Variants in SLC1A2 observed in about 807,000 individuals in gnomAD.
SLC1A2 encodes the protein excitatory amino acid transporter 2.
SLC1A2 carries 15 observed loss-of-function variants against 48.8 expected under a neutral mutation model. The ratio of observed to expected loss-of-function variants is 0.31; its 90% CI spans 0.21 to 0.47. The LOEUF (loss-of-function observed/expected upper bound fraction) is 0.47. Ranked by LOEUF, SLC1A2 falls within the 20% of genes least tolerant of loss-of-function variation. The pLI, the probability that SLC1A2 is intolerant of heterozygous loss-of-function variation, is 0.99. For missense variants in SLC1A2, 502 were observed against 730.5 expected (o/e 0.69, Z 3.61); for synonymous variants, 279 against 272.6 (o/e 1.02, Z -0.23).
At chr11:35,292,863 T>C (rs1388843217) in intron 6 of SLC1A2, among the ~76,000 whole-genome samples, 1 of 152,194 alleles carries the variant, frequency 6.6e-6, no homozygotes, top group Non-Finnish European at 1.5e-5. Flanking sequence ...TTGTTTGATT[T>C]GTGTTCCTCA....
intron 5 of SLC1A2, among the ~76,000 whole-genome samples, chr11:35,301,880 G>T (rs1187524155): frequency 6.6e-6 from 1 of 152,180 alleles, no homozygotes. Flanking sequence ...GCAGCATTAG[G>T]TCCTTGAAGA....
At position 35,254,495 on chromosome 11, in the gene SLC1A2, C is replaced by G. The variant is rs1053039160; in HGVS notation, c.*6399G>C. On this transcript the variant is annotated 3_prime_UTR_variant, in exon 11 of 11. Coordinates refer to ENST00000278379, the MANE Select transcript of SLC1A2 (RefSeq NM_004171.4). ...GAGAAACCTCAGAGATGTGCTGGAC[C>G]AACTTCCTTGGCTAGTGTGTGTATT... 16 of 247,100 alleles carry G rather than the reference C, an allele frequency of 6.5e-5. No homozygotes were observed. The highest frequency in any genetic ancestry group is 1.4e-4 in the African/African-American group (6 of 43,548). The allele number at this position is 247,100 out of a possible 1,614,324, so 15.3% of individuals were successfully genotyped here.
At chr11:35,343,955 T>C (rs1485200280) in intron 1 of SLC1A2, among the ~76,000 whole-genome samples, 1 of 152,122 alleles carries the variant, frequency 6.6e-6, no homozygotes, top group Non-Finnish European at 1.5e-5. Flanking sequence ...CAATGTCAGG[T>C]GATCATTTCA....
intron 1 of SLC1A2, among the ~76,000 whole-genome samples, chr11:35,347,204 A>C (rs1853067966): frequency 6.6e-6 from 1 of 152,220 alleles, no homozygotes; most frequent in East Asian, 1.9e-4. Flanking sequence ...AGTCCACAAA[A>C]GTCAGACAGA....
At chr11:35,277,395 C>T (rs1850475793) in intron 9 of SLC1A2, among the ~76,000 whole-genome samples, 2 of 152,140 alleles carry the variant, frequency 1.3e-5, no homozygotes, top group Admixed American at 6.5e-5. Flanking sequence ...CCAGTTTTCT[C>T]ATCTGGAAAT....
In SLC1A2 at chr11:35,306,084, C is replaced by T; in HGVS notation, c.720G>A (p.Met240Ile). 1 of 1,613,848 alleles carries T rather than the reference C, an allele frequency of 6.2e-7. No homozygotes were observed. Among genetic ancestry groups the T allele is most frequent in the Non-Finnish European group, 8.5e-7 (1 of 1,179,822 alleles). The stretch of plus-strand genomic sequence containing the variant: ...CACCAGCTGGCCTACCTAAGACGTT[C>T]ATCCCATCCTTGAACTCCAGGCCCT... ...IKKGLEFKDG[M>I]NVLGLIGFFI... The change falls in exon 5 of 11, where the codon ATG (methionine) becomes ATA (isoleucine). Residue 240 changes from methionine (M) to isoleucine (I), a missense_variant. Met to Ile is a conservative substitution (Grantham distance 10, BLOSUM62 1). Transcript: ENST00000278379.
chr11:35,309,389 T>C (rs1424770273), intron 4 of SLC1A2, among the ~76,000 whole-genome samples: 1 of 152,228 alleles, frequency 6.6e-6, no homozygotes, highest in African/African-American at 2.4e-5. Flanking sequence ...CGGAATTTTC[T>C]GGAGGAAAAG....
At chr11:35,405,011 A>C (rs1405531607) in intron 1 of SLC1A2, among the ~76,000 whole-genome samples, 1 of 152,192 alleles carries the variant, frequency 6.6e-6, no homozygotes, top group Non-Finnish European at 1.5e-5. Context: ...CTTTCCCATA[A>C]GGCTCAGGAA....
Position 35,292,347 on chromosome 11 carries a change from G to A in SLC1A2, c.1031C>T (p.Pro344Leu). The A allele has an allele frequency of 6.2e-7, 1 of 1,613,984 alleles. No homozygotes were observed. The highest frequency in any genetic ancestry group is 8.5e-7 in the Non-Finnish European group (1 of 1,179,932). The change falls in exon 7 of 11, where the codon CCC becomes CTC. Residue 344 changes from proline to leucine, a missense_variant. By Grantham distance (98) the Pro-to-Leu change is moderately conservative. This residue lies in a region of SLC1A2 where 309 missense variants were observed against 480.3 expected (regional missense o/e 0.64). Coordinates refer to ENST00000278379, the MANE Select transcript of SLC1A2 (RefSeq NM_004171.4). ...GAAAATGCCAGCAAAAAAGGAGAAG[G>A]GGTTTTTCCTGGTCACTACAAAGTA... is the stretch of plus-strand genomic sequence containing the variant. ...LIYFVVTRKN[P>L]FSFFAGIFQA... is the part of the protein sequence containing the mutation.
chr11:35,361,323 C>A (rs1853674002), intron 1 of SLC1A2, among the ~76,000 whole-genome samples: 1 of 152,154 alleles, frequency 6.6e-6, no homozygotes, highest in Admixed American at 6.5e-5. Flanking sequence ...AAGCCATACC[C>A]AAAGTTACCC....
intron 1 of SLC1A2, among the ~76,000 whole-genome samples, chr11:35,367,133 G>T (rs1263362016): frequency 6.6e-6 from 1 of 152,196 alleles, no homozygotes; most frequent in Non-Finnish European, 1.5e-5. Context: ...GGAGACAGTT[G>T]TTTACTTCCT....
intron 1 of SLC1A2, among the ~76,000 whole-genome samples, chr11:35,412,042 CAAA>C (rs5791054): frequency 7.4e-6 from 1 of 134,296 alleles, no homozygotes; most frequent in Admixed American, 7.5e-5. Flanking sequence ...CTTACTGGAG[CAAA>C]AAAAAAAAAC....
chr11:35,390,662 CTTTTTTTT>C (rs35511500), intron 1 of SLC1A2: 2 of 136,004 alleles, frequency 1.5e-5, no homozygotes. Context: ...AAAATCTATT[CTTTTTTTT>C]TTTTTTTTTC....
chr11:35,281,029 G>A (rs773325635), intron 8 of SLC1A2, 28 bp from the exon 9 acceptor site: 11 of 1,548,014 alleles, frequency 7.1e-6, no homozygotes, highest in Non-Finnish European at 9.6e-6. Context: ...TTCAGGTCAT[G>A]GAAATGGAAA....
At chr11:35,323,272 G>C (rs1852137391) in intron 1 of SLC1A2, 1 of 159,110 alleles carries the variant, frequency 6.3e-6, no homozygotes, top group African/African-American at 2.4e-5. Context: ...GATAGGACTG[G>C]AAGTCAGGAA....
At chr11:35,363,058 C>G (rs1178804173) in intron 1 of SLC1A2, among the ~76,000 whole-genome samples, 1 of 152,174 alleles carries the variant, frequency 6.6e-6, no homozygotes, top group African/African-American at 2.4e-5. Context: ...GTTCACAAAG[C>G]AGGTCAGCGG....
chr11:35,304,029 C>T (rs960979865), intron 5 of SLC1A2, among the ~76,000 whole-genome samples: 1 of 152,132 alleles, frequency 6.6e-6, no homozygotes, highest in Admixed American at 6.5e-5. Context: ...CTTTCCAGAG[C>T]CTTGATCTGC....
At position 35,325,964 on chromosome 11, in the gene SLC1A2, C is replaced by CAAA. The variant is rs35256511; in HGVS notation, c.18-8451_18-8449dup. Among the ~76,000 whole-genome samples, 53 of 96,172 alleles carry CAAA rather than the reference C, an allele frequency of 5.5e-4. 1 individual carries two copies. The highest frequency in any genetic ancestry group is 5.6e-4 in the African/African-American group (14 of 25,152). 63.1% of individuals were successfully genotyped at this position (96,172 alleles called of 152,430 possible). A position where few individuals can be genotyped will look rare whatever the true frequency, so the allele number is the denominator to read the frequency against. On this transcript the variant is annotated intron_variant, in intron 1 of 10. Coordinates refer to ENST00000278379, the MANE Select transcript of SLC1A2 (RefSeq NM_004171.4). ...GGGCAACAAGGGTGAAATTCTATCT[C>CAAA]AAAAAAAAAAAAAAAAAAAAAGGAG...
chr11:35,379,417 C>A (rs961353910), intron 1 of SLC1A2, among the ~76,000 whole-genome samples: 2 of 152,112 alleles, frequency 1.3e-5, no homozygotes, highest in Non-Finnish European at 2.9e-5. Context: ...GCAATACAGA[C>A]TTTTTTTTAA....
Sources: allele counts gnomAD v4.1 joint callset (sites outside exome capture counted in the v4.1 genomes callset), GRCh38; gene constraint gnomAD v4.1.1; regional missense constraint gnomAD v4.1.1; transcripts MANE v1.5; gene names NCBI Gene and HGNC (gene_info 2026-07-23, HGNC 2026-07-21).